DSCAM: variants seen among roughly 807,000 people sequenced by gnomAD.
The protein encoded by DSCAM is DS cell adhesion molecule.
Under a neutral mutation model 217.7 loss-of-function variants are expected in DSCAM, and 47 were observed. The observed-to-expected ratio is 0.22, with a 90% confidence interval of 0.17 to 0.28. The LOEUF is 0.28. Ranked by LOEUF, DSCAM falls within the 10% of genes least tolerant of loss-of-function variation. DSCAM has a pLI of 1.00. For synonymous variants in DSCAM, 1,056 were observed against 1,015.3 expected (o/e 1.04, Z -0.76); for missense variants, 2,080 against 2,618.3 (o/e 0.79, Z 4.49).
intron 21 of DSCAM, among the ~76,000 whole-genome samples, chr21:40,089,950 A>G (rs1438067643): frequency 1.3e-5 from 2 of 151,676 alleles, no homozygotes; most frequent in African/African-American, 4.8e-5. Context: ...AACTGTCAGC[A>G]CTCCCTGCTG....
At chr21:40,417,220 T>G (rs1302472337) in intron 3 of DSCAM, among the ~76,000 whole-genome samples, 1 of 152,204 alleles carries the variant, frequency 6.6e-6, no homozygotes, top group East Asian at 1.9e-4. Flanking sequence ...ATATAATATT[T>G]CATACAGATT....
chr21:40,663,264 GT>G lies in DSCAM; in HGVS notation c.508+29545del, dbSNP rs1165379526. On this transcript the variant is annotated intron_variant, in intron 3 of 32. Transcript: ENST00000400454. Reference sequence around the variant, plus strand: ...CATGTGAGTGTATGTCAAAGTGTGTGTGTGGGGGGGGTGTATATGTGTGTGT... The same window carrying G: ...CATGTGAGTGTATGTCAAAGTGTGTGGTGGGGGGGGTGTATATGTGTGTGT... Among the ~76,000 whole-genome samples, 41 of 80,944 alleles carry G rather than the reference GT, an allele frequency of 5.1e-4. No individual in the cohort carries two copies. The South Asian group carries it at 0.011, about 23-fold the overall frequency. The allele number at this position is 80,944 out of a possible 152,430, so 53.1% of individuals were successfully genotyped here. A position where few individuals can be genotyped will look rare whatever the true frequency, so the allele number is the denominator to read the frequency against.
intron 32 of DSCAM, among the ~76,000 whole-genome samples, chr21:40,026,932 G>T (rs1185072359): frequency 1.1e-4 from 17 of 152,298 alleles, no homozygotes; most frequent in African/African-American, 3.9e-4. Flanking sequence ...ATGTTAGCTG[G>T]TTATTTTGCT....
chr21:40,085,282 TGTAGA>T (rs2089516880), intron 23 of DSCAM, among the ~76,000 whole-genome samples: 1 of 152,190 alleles, frequency 6.6e-6, no homozygotes, highest in African/African-American at 2.4e-5. Flanking sequence ...CTTACATATA[TGTAGA>T]GTAAACAGTG....
At chr21:40,779,032 G>GAAAAAAAA (rs772208075) in intron 1 of DSCAM, among the ~76,000 whole-genome samples, 4 of 45,548 alleles carry the variant, frequency 8.8e-5, no homozygotes, top group African/African-American at 8.5e-5. Context: ...CTCAAAAACA[G>GAAAAAAAA]AAAAAAAAAA....
At chr21:40,758,570 T>C (rs919700602) in intron 1 of DSCAM, among the ~76,000 whole-genome samples, 18 of 150,790 alleles carry the variant, frequency 1.2e-4, no homozygotes, top group African/African-American at 3.9e-4. Context: ...GGAGGTGTGG[T>C]GACTGCTGGC....
Position 40,171,465 on chromosome 21 carries a change from T to A in DSCAM, c.2948-4177A>T, listed in dbSNP as rs115560871. ...GGACAGACTTAACTGTTTTTAAGAA[T>A]GTAACAGCTTTATTACTTAGCCTAC... On this transcript the variant is annotated intron_variant, in intron 15 of 32. Coordinates refer to ENST00000400454, the MANE Select transcript of DSCAM (RefSeq NM_001389.5). Among the ~76,000 whole-genome samples the A allele has an allele frequency of 7.5e-3, 1,139 of 152,172 alleles. 19 individuals carry two copies. The highest frequency in any genetic ancestry group is 0.026 in the African/African-American group (1,077 of 41,502).
At chr21:40,784,099 TTTA>T (rs1265752982) in intron 1 of DSCAM, among the ~76,000 whole-genome samples, 2 of 150,746 alleles carry the variant, frequency 1.3e-5, no homozygotes, top group Non-Finnish European at 3.0e-5. Context: ...TTTATAACTA[TTTA>T]TTATTCATTT....
chr21:40,209,020 G>A (rs1430600676), intron 11 of DSCAM, among the ~76,000 whole-genome samples: 1 of 152,132 alleles, frequency 6.6e-6, no homozygotes, highest in Admixed American at 6.5e-5. Flanking sequence ...CTAAATGAGC[G>A]GGCACTATTT....
At chr21:40,762,029 C>A (rs939608483) in intron 1 of DSCAM, among the ~76,000 whole-genome samples, 2 of 151,938 alleles carry the variant, frequency 1.3e-5, no homozygotes, top group Non-Finnish European at 2.9e-5. Flanking sequence ...AAATCAACAC[C>A]CTAACATCAC....
intron 3 of DSCAM, among the ~76,000 whole-genome samples, chr21:40,623,394 A>C (rs1467924350): frequency 3.3e-5 from 5 of 152,232 alleles, no homozygotes; most frequent in African/African-American, 1.2e-4. Context: ...GTATATGTAC[A>C]AATGATCCAA....
chr21:40,279,945 C>T (rs965122879), intron 10 of DSCAM, among the ~76,000 whole-genome samples: 3 of 151,876 alleles, frequency 2.0e-5, no homozygotes, highest in African/African-American at 7.3e-5. Context: ...GGGAACATCA[C>T]ATACTGGGGC....
At chr21:40,612,460 T>C (rs1218711486) in intron 3 of DSCAM, among the ~76,000 whole-genome samples, 2 of 152,134 alleles carry the variant, frequency 1.3e-5, no homozygotes, top group Non-Finnish European at 2.9e-5. Flanking sequence ...GAAGCAAATA[T>C]CAGCTCATGA....
intron 1 of DSCAM, among the ~76,000 whole-genome samples, chr21:40,723,088 C>CT (rs1491463637): frequency 4.5e-4 from 65 of 144,302 alleles, no homozygotes; most frequent in African/African-American, 1.7e-3. Flanking sequence ...GTCTCTCTCG[C>CT]TCTTTTTTTT....
At chr21:40,793,554 G>A (rs1292780316) in intron 1 of DSCAM, among the ~76,000 whole-genome samples, 3 of 151,026 alleles carry the variant, frequency 2.0e-5, no homozygotes, top group Non-Finnish European at 1.5e-5. Context: ...GCAGTGGTGT[G>A]ATCTCGGCTC....
At chr21:40,563,636 GTATA>G (rs201178621) in intron 3 of DSCAM, among the ~76,000 whole-genome samples, 4,483 of 144,364 alleles carry the variant, frequency 0.031, 125 homozygotes, top group South Asian at 0.048. Flanking sequence ...AGTTATATGT[GTATA>G]TATAGTTATA....
intron 3 of DSCAM, among the ~76,000 whole-genome samples, chr21:40,627,000 T>C (rs2089609769): frequency 6.6e-6 from 1 of 152,172 alleles, no homozygotes; most frequent in Admixed American, 6.5e-5. Context: ...GGAATCTGGT[T>C]TCCATATGCT....
At chr21:40,077,275 G>T (rs1197774027) in intron 26 of DSCAM, among the ~76,000 whole-genome samples, 1 of 152,206 alleles carries the variant, frequency 6.6e-6, no homozygotes, top group African/African-American at 2.4e-5. Flanking sequence ...GGCCAGAAGT[G>T]CCAGGAAGAC....
At chr21:40,223,661 G>A (rs778581141) in intron 11 of DSCAM, among the ~76,000 whole-genome samples, 22 of 152,112 alleles carry the variant, frequency 1.4e-4, no homozygotes, top group Non-Finnish European at 2.9e-4. Context: ...ATCAATAGCG[G>A]TTGTTAACAT....
Sources: allele counts gnomAD v4.1 joint callset (sites outside exome capture counted in the v4.1 genomes callset), GRCh38; gene constraint gnomAD v4.1.1; transcripts MANE v1.5; gene names NCBI Gene and HGNC (gene_info 2026-07-23, HGNC 2026-07-21).